WWOX: variants seen among roughly 807,000 people sequenced by gnomAD.
WWOX encodes WW domain containing oxidoreductase, also known as WW domain-containing oxidoreductase.
In WWOX, 69 loss-of-function variants were observed where a neutral mutation model predicts 46.2. That is an observed-to-expected ratio of 1.49 (90% CI 1.23 to 1.82). The LOEUF (loss-of-function observed/expected upper bound fraction) is 1.82. Among genes scored for constraint, WWOX ranks in the 40% most tolerant of loss-of-function variants. WWOX has a pLI of 0.00. For synonymous variants in WWOX, 359 were observed against 202.6 expected (o/e 1.77, Z -6.56); for missense variants, 919 against 542.6 (o/e 1.69, Z -6.89).
At chr16:78,525,332 C>T (rs1279455861) in intron 8 of WWOX, 1 of 151,904 alleles carries the variant, frequency 6.6e-6, no homozygotes, top group Non-Finnish European at 1.5e-5. Flanking sequence ...ACTGCAGGCG[C>T]CAGCCACCAC....
chr16:78,599,820 G>A (rs561518411), intron 8 of WWOX, among the ~76,000 whole-genome samples: 14 of 152,240 alleles, frequency 9.2e-5, no homozygotes, highest in Admixed American at 2.6e-4. Flanking sequence ...AAACCTCTGG[G>A]ATTGGGTGTG....
chr16:78,363,201 C>G (rs2081450579), intron 5 of WWOX, among the ~76,000 whole-genome samples: 1 of 151,804 alleles, frequency 6.6e-6, no homozygotes, highest in Admixed American at 6.6e-5. Context: ...TGAATTGTGG[C>G]TTTAAATGTA....
At chr16:78,963,859 G>A (rs1431559166) in intron 8 of WWOX, among the ~76,000 whole-genome samples, 1 of 152,192 alleles carries the variant, frequency 6.6e-6, no homozygotes, top group Non-Finnish European at 1.5e-5. Flanking sequence ...TTGTGGGAGG[G>A]ACCCAGGGAG....
chr16:78,372,675 G>T (rs184832097), intron 5 of WWOX, among the ~76,000 whole-genome samples: 30 of 152,028 alleles, frequency 2.0e-4, no homozygotes, highest in African/African-American at 6.5e-4. Context: ...TTGAGGCTCC[G>T]TTTTTTTGTT....
rs1567519491 is a variant in WWOX at position 78,728,060 on chromosome 16, T to TCC, written c.1056+295308_1056+295309insCC. Reference sequence around the variant, plus strand: ...CTTTCCTCTCTCCCTCCTTCCTTTTTTTTTTTTTTTTTTTTTTTTTTTGAG... The same window carrying TCC: ...CTTTCCTCTCTCCCTCCTTCCTTTTTCCTTTTTTTTTTTTTTTTTTTTTTGAG... On this transcript the variant is annotated intron_variant, in intron 8 of 8. Coordinates refer to ENST00000566780, the MANE Select transcript of WWOX (RefSeq NM_016373.4). Among the ~76,000 whole-genome samples, 43 of 134,628 alleles carry TCC rather than the reference T, an allele frequency of 3.2e-4. 3 individuals carry two copies. The highest frequency in any genetic ancestry group is 1.8e-3 in the South Asian group (7 of 3,808). 88.3% of individuals were successfully genotyped at this position (134,628 alleles called of 152,430 possible).
At chr16:79,172,274 T>C (rs929630111) in intron 8 of WWOX, among the ~76,000 whole-genome samples, 4 of 152,212 alleles carry the variant, frequency 2.6e-5, no homozygotes, top group African/African-American at 7.2e-5. Flanking sequence ...CAGCTTTGCA[T>C]GGCACTTGGC....
intron 8 of WWOX, among the ~76,000 whole-genome samples, chr16:78,619,355 C>T (rs1243979740): frequency 1.4e-5 from 1 of 70,568 alleles, no homozygotes; most frequent in African/African-American, 5.5e-5. Context: ...GAGCAAGACG[C>T]CATCTCAAAA....
At chr16:78,777,662 C>T (rs1036173082) in intron 8 of WWOX, among the ~76,000 whole-genome samples, 3 of 152,114 alleles carry the variant, frequency 2.0e-5, no homozygotes, top group African/African-American at 4.8e-5. Context: ...GCAGACTCCC[C>T]AGCACAGAGT....
intron 5 of WWOX, among the ~76,000 whole-genome samples, chr16:78,194,424 C>G (rs933782728): frequency 5.3e-5 from 8 of 151,464 alleles, no homozygotes; most frequent in Non-Finnish European, 7.4e-5. Flanking sequence ...CATGTTTCTA[C>G]TAAAAATACA....
intron 5 of WWOX, among the ~76,000 whole-genome samples, chr16:78,250,152 G>A (rs1261661772): frequency 2.0e-5 from 3 of 152,208 alleles, no homozygotes; most frequent in Non-Finnish European, 4.4e-5. Flanking sequence ...TGTAACAGTA[G>A]TAATCTCCAA....
rs2044059371 is a variant in WWOX, at chr16:78,547,157, A to AAAAAC, written c.1056+114407_1056+114408insAACAA. Among the ~76,000 whole-genome samples, 4 of 135,724 alleles carry AAAAAC rather than the reference A, an allele frequency of 2.9e-5. No homozygotes were observed. In the South Asian group the frequency reaches 9.7e-4, roughly 33 times the overall value. 89.0% of individuals were successfully genotyped at this position (135,724 alleles called of 152,430 possible). A position where few individuals can be genotyped will look rare whatever the true frequency, so the allele number is the denominator to read the frequency against. On this transcript the variant is annotated intron_variant, in intron 8 of 8. Transcript: ENST00000566780. Reference sequence around the variant, plus strand: ...AAAAAAAAAAAAAAAAAAAAAAAAAAAACAACTACCAGGCCTGTTGGAATG... The same window carrying AAAAAC: ...AAAAAAAAAAAAAAAAAAAAAAAAAAAAAACAACAACTACCAGGCCTGTTGGAATG...
intron 8 of WWOX, among the ~76,000 whole-genome samples, chr16:78,831,323 G>A (rs1597688576): frequency 6.6e-6 from 1 of 152,182 alleles, no homozygotes; most frequent in East Asian, 1.9e-4. Flanking sequence ...CCCTGAAGTA[G>A]CCCCTGACCA....
At chr16:78,296,117 A>G (rs73574526) in intron 5 of WWOX, among the ~76,000 whole-genome samples, 16,849 of 152,212 alleles carry the variant, frequency 0.11, 1,105 homozygotes, top group East Asian at 0.23. Flanking sequence ...GGGAAAACCA[A>G]AAGTTTTATT....
intron 8 of WWOX, among the ~76,000 whole-genome samples, chr16:79,005,901 G>C (rs1271854732): frequency 1.3e-5 from 2 of 152,172 alleles, no homozygotes; most frequent in Non-Finnish European, 2.9e-5. Context: ...AGTTGCATGA[G>C]AACAGAAGGC....
intron 8 of WWOX, among the ~76,000 whole-genome samples, chr16:78,852,685 T>G (rs2052475471): frequency 6.6e-6 from 1 of 152,322 alleles, no homozygotes; most frequent in South Asian, 2.1e-4. Flanking sequence ...TTTGGAGTAA[T>G]TTGCTACACA....
intron 8 of WWOX, among the ~76,000 whole-genome samples, chr16:79,137,891 G>A (rs965372071): frequency 6.0e-4 from 91 of 152,238 alleles, no homozygotes; most frequent in African/African-American, 2.1e-3. Flanking sequence ...AAGTTAGGGG[G>A]TGGGGGACTC....
intron 8 of WWOX, among the ~76,000 whole-genome samples, chr16:79,068,137 G>A (rs1384295338): frequency 6.6e-6 from 1 of 152,328 alleles, no homozygotes; most frequent in East Asian, 1.9e-4. Flanking sequence ...CACCATTTAT[G>A]TTAGTGGAAT....
chr16:78,871,947 A>G (rs1236545786), intron 8 of WWOX, among the ~76,000 whole-genome samples: 1 of 152,140 alleles, frequency 6.6e-6, no homozygotes, highest in Non-Finnish European at 1.5e-5. Context: ...TCTTCCAGCC[A>G]TGCCCTAGGG....
intron 8 of WWOX, among the ~76,000 whole-genome samples, chr16:78,846,288 C>G (rs1282915964): frequency 6.6e-6 from 1 of 152,214 alleles, no homozygotes; most frequent in African/African-American, 2.4e-5. Flanking sequence ...ATGCTATTAA[C>G]TACACTCAGA....
Sources: allele counts gnomAD v4.1 joint callset (sites outside exome capture counted in the v4.1 genomes callset), GRCh38; gene constraint gnomAD v4.1.1; transcripts MANE v1.5; gene names NCBI Gene and HGNC (gene_info 2026-07-23, HGNC 2026-07-21).